The following NDUFB3 variants were observed in gnomAD, a reference collection of about 807,000 sequenced individuals.
NDUFB3 encodes the protein NADH dehydrogenase [ubiquinone] 1 beta subcomplex subunit 3.
NDUFB3 carries 7 observed loss-of-function variants against 9.0 expected under a neutral mutation model. The observed-to-expected ratio is 0.78, with a 90% CI of 0.44 to 1.46. NDUFB3 has a LOEUF of 1.46. Among genes scored for constraint, NDUFB3 ranks in the 40% most tolerant of loss-of-function variants. The pLI, the probability that NDUFB3 is intolerant of heterozygous loss-of-function variation, is 0.01. For synonymous variants in NDUFB3, 29 were observed against 38.5 expected, an observed-to-expected ratio of 0.75 and a Z score of 0.91; for missense variants, 93 against 115.4, an observed-to-expected ratio of 0.81 and a Z score of 0.89.
At chr2:201,074,309 G>A (rs1297841538) in intron 1 of NDUFB3, among the ~76,000 whole-genome samples, 2 of 151,964 alleles carry the variant, frequency 1.3e-5, no homozygotes, top group Non-Finnish European at 2.9e-5. Context: ...TTGAGATTAA[G>A]TTAATTAAAA....
At chr2:201,083,351 CTTTTTTTTTT>C (rs748310803) in intron 2 of NDUFB3, among the ~76,000 whole-genome samples, 1 of 119,984 alleles carries the variant, frequency 8.3e-6, no homozygotes, top group East Asian at 2.3e-4. Context: ...TTTATTATTT[CTTTTTTTTTT>C]TTTTTTTTTT....
chr2:201,074,666 A>G (rs1272102225), intron 1 of NDUFB3, among the ~76,000 whole-genome samples: 2 of 151,606 alleles, frequency 1.3e-5, no homozygotes, highest in Non-Finnish European at 2.9e-5. Context: ...CATGTTGGCC[A>G]GGCTGGTCTC....
At chr2:201,076,350 A>G (rs972521961) in intron 1 of NDUFB3, among the ~76,000 whole-genome samples, 2 of 151,658 alleles carry the variant, frequency 1.3e-5, no homozygotes, top group African/African-American at 2.4e-5. Context: ...TCGCTATAAA[A>G]CATTTAAAAA....
chr2:201,075,985 C>G (rs1429831153), intron 1 of NDUFB3, among the ~76,000 whole-genome samples: 1 of 152,046 alleles, frequency 6.6e-6, no homozygotes, highest in Non-Finnish European at 1.5e-5. Context: ...ACATGGTATG[C>G]AGAAGCCAAG....
chr2:201,081,600 T>C (rs980973439), intron 2 of NDUFB3, among the ~76,000 whole-genome samples: 3 of 152,148 alleles, frequency 2.0e-5, no homozygotes, highest in African/African-American at 7.2e-5. Context: ...TACGTACAGG[T>C]CTTGCACATA....
intron 1 of NDUFB3, among the ~76,000 whole-genome samples, chr2:201,075,227 A>C (rs2125531497): frequency 6.6e-6 from 1 of 151,678 alleles, no homozygotes; most frequent in South Asian, 2.1e-4. Flanking sequence ...AAGGTTTCCT[A>C]GAGAAAGTGT....
At position 201,078,964 on chromosome 2, in the gene NDUFB3, C is replaced by T; in HGVS notation, c.82C>T (p.Pro28Ser). ...DYRQWKIEGT[P>S]LETIQKKLAA... ...TAGACAATGGAAGATAGAAGGGACACCATTAGAAACTATCCAGAAGAAGCT... is the reference window on the plus strand; with the variant it reads ...TAGACAATGGAAGATAGAAGGGACATCATTAGAAACTATCCAGAAGAAGCT... Residue 28 changes from proline (P) to serine (S), a missense_variant, in exon 2 of 3, where the codon CCA becomes TCA. By Grantham distance (74) the Pro-to-Ser change is moderately conservative. Coordinates refer to ENST00000237889, the MANE Select transcript of NDUFB3 (RefSeq NM_002491.3). The T allele has an allele frequency of 6.2e-7, 1 of 1,613,406 alleles. No individual in the cohort carries two copies. Among genetic ancestry groups the T allele is most frequent in the East Asian group, 2.2e-5 (1 of 44,858 alleles).
intron 1 of NDUFB3, among the ~76,000 whole-genome samples, chr2:201,073,325 A>G (rs1390584664): frequency 2.0e-5 from 3 of 152,186 alleles, no homozygotes; most frequent in Non-Finnish European, 4.4e-5. Flanking sequence ...ATATTTGTGG[A>G]GATTCAATCA....
At chr2:201,077,901 T>A (rs1328177714) in intron 1 of NDUFB3, among the ~76,000 whole-genome samples, 2 of 152,228 alleles carry the variant, frequency 1.3e-5, no homozygotes, top group African/African-American at 4.8e-5. Context: ...CATTGCATTT[T>A]AAAAGAATCA....
rs191959430 is a variant in NDUFB3 at position 201,081,407 on chromosome 2, C to T, written c.140+2385C>T. Among the ~76,000 whole-genome samples the T allele has an allele frequency of 5.0e-3, 765 of 151,740 alleles. 5 individuals carry two copies. Among genetic ancestry groups the T allele is most frequent in the African/African-American group, 0.018 (728 of 41,442 alleles). ...CTGAGACAGGAGAATCACTTGAACC[C>T]GCGAGGCTGAGGTTGCAATGAACCA... On this transcript the variant is annotated intron_variant, in intron 2 of 2. Transcript: ENST00000237889.
In NDUFB3 at chr2:201,078,927, A is replaced by G; in HGVS notation, c.45A>G (p.Glu15=). 1 of 1,612,722 alleles carries G rather than the reference A, an allele frequency of 6.2e-7. No homozygotes were observed. Among genetic ancestry groups the G allele is most frequent in the Non-Finnish European group, 8.5e-7 (1 of 1,179,612 alleles). Residue 15 remains glutamate (E), a synonymous_variant, in exon 2 of 3, where the codon GAA becomes GAG. Transcript: ENST00000237889. ...ATGAGCATGGACATCATAAAATGGA[A>G]CTTCCAGATTATAGACAATGGAAGA... The part of the protein sequence containing the change: ...HGHEHGHHKM[E]LPDYRQWKIE...
chr2:201,073,339 T>C (rs2125529116), intron 1 of NDUFB3, among the ~76,000 whole-genome samples: 1 of 152,348 alleles, frequency 6.6e-6, no homozygotes, highest in East Asian at 1.9e-4. Flanking sequence ...TCAATCACAC[T>C]TTTGCATGTA....
At chr2:201,074,520 A>C (rs1429550580) in intron 1 of NDUFB3, among the ~76,000 whole-genome samples, 2 of 143,360 alleles carry the variant, frequency 1.4e-5, no homozygotes, top group Admixed American at 1.4e-4. Context: ...GCAGTGGCGC[A>C]ATCTCGGCTC....
intron 2 of NDUFB3, among the ~76,000 whole-genome samples, chr2:201,081,446 G>T (rs1388106636): frequency 6.6e-6 from 1 of 151,774 alleles, no homozygotes; most frequent in East Asian, 2.0e-4. Flanking sequence ...TCGTGCCACT[G>T]CACTCCAGCC....
Position 201,085,720 on chromosome 2 carries a change from T to G in NDUFB3, c.*105T>G. On this transcript the variant is annotated 3_prime_UTR_variant, in exon 3 of 3. Transcript: ENST00000237889. ...TATCCCTTACAGAATATTAGTAAGATTTAATCAATTAAAATATATATATAT... is the reference window on the plus strand; with the variant it reads ...TATCCCTTACAGAATATTAGTAAGAGTTAATCAATTAAAATATATATATAT... 1 of 881,600 alleles carries G rather than the reference T, an allele frequency of 1.1e-6. No individual in the cohort carries two copies. Among genetic ancestry groups the G allele is most frequent in the Non-Finnish European group, 1.6e-6 (1 of 613,878 alleles). 54.6% of individuals were successfully genotyped at this position (881,600 alleles called of 1,614,324 possible).
At chr2:201,076,491 A>G (rs1021510897) in intron 1 of NDUFB3, among the ~76,000 whole-genome samples, 2 of 140,402 alleles carry the variant, frequency 1.4e-5, no homozygotes, top group Admixed American at 6.9e-5. Flanking sequence ...TTAAATATAT[A>G]TATATATATA....
Position 201,079,002 on chromosome 2 carries a change from G to T in NDUFB3, c.120G>T (p.Gly40=), listed in dbSNP as rs1408122595. ...TCCAGAAGAAGCTGGCTGCAAAAGG[G>T]CTAAGGGATCCATGGGGCCGGTAAG... is the stretch of plus-strand genomic sequence containing the variant. ...ETIQKKLAAK[G]LRDPWGRNEA... is the part of the protein sequence containing the mutation. The change falls in exon 2 of 3, where the codon GGG becomes GGT. Residue 40 remains glycine, a synonymous_variant. Transcript: ENST00000237889. 6.2e-7 allele frequency: 1 copy of T among 1,611,978 alleles called. No homozygotes were observed. The highest frequency in any genetic ancestry group is 2.2e-5 in the East Asian group (1 of 44,862).
rs561737388 is a variant in NDUFB3 at position 201,076,484 on chromosome 2, A to AATATATATATATATATAT, written c.-2-2385_-2-2368dup. Among the ~76,000 whole-genome samples, 900 of 119,872 alleles carry AATATATATATATATATAT rather than the reference A, an allele frequency of 7.5e-3. 6 individuals are homozygous for AATATATATATATATATAT. The highest frequency in any genetic ancestry group is 0.012 in the Non-Finnish European group (672 of 56,338). The allele number at this position is 119,872 out of a possible 152,430, so 78.6% of individuals were successfully genotyped here. ...TCCAGAGCAAGACCCTCTATCTTTA[A>AATATATATATATATATAT]ATATATATATATATATATATATATA... is the stretch of plus-strand genomic sequence containing the variant. On this transcript the variant is annotated intron_variant, in intron 1 of 2. Transcript: ENST00000237889.
intron 2 of NDUFB3, among the ~76,000 whole-genome samples, chr2:201,084,749 C>T (rs2047270388): frequency 6.6e-6 from 1 of 152,180 alleles, no homozygotes; most frequent in Non-Finnish European, 1.5e-5. Context: ...ATTTAATTAG[C>T]TCTCGTATTT....
Sources: allele counts gnomAD v4.1 joint callset (sites outside exome capture counted in the v4.1 genomes callset), GRCh38; gene constraint gnomAD v4.1.1; transcripts MANE v1.5; gene names NCBI Gene and HGNC (gene_info 2026-07-23, HGNC 2026-07-21).